PLEKHA7: variants seen among roughly 807,000 people sequenced by gnomAD.
PLEKHA7 encodes pleckstrin homology domain-containing family A member 7.
Under a neutral mutation model 170.0 loss-of-function variants are expected in PLEKHA7, and 104 were observed. The ratio of observed to expected loss-of-function variants is 0.61; its 90% confidence interval spans 0.52 to 0.72. The LOEUF (loss-of-function observed/expected upper bound fraction) is 0.72. Ranked by LOEUF, PLEKHA7 falls within the 30% of genes least tolerant of loss-of-function variation. The pLI, the probability that PLEKHA7 is intolerant of heterozygous loss-of-function variation, is 0.00. For synonymous variants in PLEKHA7, 648 were observed against 660.8 expected (o/e 0.98, Z 0.30); for missense variants, 1,615 against 1,671.7 (o/e 0.97, Z 0.59).
intron 26 of PLEKHA7, among the ~76,000 whole-genome samples, chr11:16,779,594 C>G (rs888343932): frequency 6.6e-6 from 1 of 152,156 alleles, no homozygotes; most frequent in Non-Finnish European, 1.5e-5. Context: ...GGCTAGAGCA[C>G]TTCCCTATGG....
intron 15 of PLEKHA7, among the ~76,000 whole-genome samples, chr11:16,802,142 C>T (rs1848634783): frequency 6.6e-6 from 1 of 152,198 alleles, no homozygotes; most frequent in Non-Finnish European, 1.5e-5. Context: ...ACAAAAACCT[C>T]TTTAGCCTCC....
chr11:17,014,147 G>T lies in PLEKHA7; in HGVS notation c.141C>A (p.Asn47Lys). The change falls in exon 2 of 27, where the codon AAC (asparagine) becomes AAA (lysine). Residue 47 changes from asparagine to lysine, a missense_variant. By Grantham distance (94) the Asn-to-Lys change is moderately conservative. Coordinates refer to ENST00000531066, the MANE Select transcript of PLEKHA7 (RefSeq NM_001329630.2). ...CACCTGAGCGGATCATGTGGCCCGA[G>T]TTGACGGGCTCCCCGGTGCGCGGAT... is the stretch of plus-strand genomic sequence containing the variant. Reference protein sequence around the residue: ...WLHPRTGEPVNSGHMIRSDLP... With the variant: ...WLHPRTGEPVKSGHMIRSDLP... The T allele has an allele frequency of 6.2e-7, 1 of 1,601,984 alleles. No individual in the cohort carries two copies. The highest frequency in any genetic ancestry group is 1.1e-5 in the South Asian group (1 of 89,762).
At chr11:17,007,681 C>T (rs1865090810) in intron 3 of PLEKHA7, among the ~76,000 whole-genome samples, 1 of 151,554 alleles carries the variant, frequency 6.6e-6, no homozygotes, top group Non-Finnish European at 1.5e-5. Flanking sequence ...TCAAGTGATC[C>T]TCCCACCTCA....
At chr11:16,800,564 A>G (rs1848527530) in intron 17 of PLEKHA7, among the ~76,000 whole-genome samples, 1 of 152,216 alleles carries the variant, frequency 6.6e-6, no homozygotes, top group African/African-American at 2.4e-5. Flanking sequence ...GATAACATCT[A>G]TCTCCAGGAA....
At chr11:16,785,117 T>C (rs1446691357) in intron 24 of PLEKHA7, among the ~76,000 whole-genome samples, 1 of 152,186 alleles carries the variant, frequency 6.6e-6, no homozygotes, top group Non-Finnish European at 1.5e-5. Flanking sequence ...TGTTCCTTTG[T>C]TCCCAAAGAC....
At chr11:17,013,949 C>CCG (rs1865494792) in intron 3 of PLEKHA7, 40 bp downstream of exon 3, 3 of 1,511,044 alleles carry the variant, frequency 2.0e-6, no homozygotes, top group Non-Finnish European at 2.7e-6. Flanking sequence ...GACCCCCCCC[C>CCG]CGCGGCACAG....
intron 3 of PLEKHA7, among the ~76,000 whole-genome samples, chr11:16,986,431 G>A (rs1457988773): frequency 6.6e-6 from 1 of 152,160 alleles, no homozygotes; most frequent in Non-Finnish European, 1.5e-5. Flanking sequence ...CATAAGAAAA[G>A]TGCAGCCCCA....
intron 3 of PLEKHA7, among the ~76,000 whole-genome samples, chr11:16,882,788 A>G (rs899278742): frequency 6.6e-6 from 1 of 152,210 alleles, no homozygotes; most frequent in Non-Finnish European, 1.5e-5. Context: ...ATAGTAGCTT[A>G]TAATCCAATA....
chr11:16,874,472 C>T (rs1411736020), intron 3 of PLEKHA7, among the ~76,000 whole-genome samples: 1 of 152,158 alleles, frequency 6.6e-6, no homozygotes, highest in African/African-American at 2.4e-5. Flanking sequence ...CACCACTGCA[C>T]TCCAACCTAG....
chr11:16,801,153 GA>G, intron 16 of PLEKHA7, 78 bp from the exon 17 acceptor site: 1 of 1,197,670 alleles, frequency 8.3e-7, no homozygotes, highest in Non-Finnish European at 1.2e-6. Context: ...CTGTACTCCT[GA>G]CCATGCTGAC....
intron 26 of PLEKHA7, among the ~76,000 whole-genome samples, chr11:16,780,130 G>A (rs1442618566): frequency 6.6e-6 from 1 of 152,230 alleles, no homozygotes; most frequent in Non-Finnish European, 1.5e-5. Flanking sequence ...ATAGTGGGAT[G>A]GGATGTCAGG....
intron 3 of PLEKHA7, among the ~76,000 whole-genome samples, chr11:16,987,250 T>A (rs1363213261): frequency 8.1e-6 from 1 of 124,144 alleles, no homozygotes; most frequent in Non-Finnish European, 1.7e-5. Context: ...CTCCCCGACC[T>A]CCCATCCCCC....
At chr11:17,007,137 G>C (rs905771939) in intron 3 of PLEKHA7, among the ~76,000 whole-genome samples, 1 of 152,200 alleles carries the variant, frequency 6.6e-6, no homozygotes, top group Non-Finnish European at 1.5e-5. Flanking sequence ...GGGGGGCATG[G>C]ATACAGGTGC....
chr11:16,968,604 G>A (rs746762244), intron 3 of PLEKHA7, among the ~76,000 whole-genome samples: 4 of 152,300 alleles, frequency 2.6e-5, no homozygotes, highest in Middle Eastern at 3.4e-3. Flanking sequence ...TCCTTGAAGG[G>A]CTGCTTTGTG....
chr11:16,855,602 G>A (rs1590353021), intron 5 of PLEKHA7: 2 of 584,118 alleles, frequency 3.4e-6, no homozygotes, highest in East Asian at 2.9e-5. Context: ...ACCAGTGCTG[G>A]GTCTGTCAGC....
intron 3 of PLEKHA7, among the ~76,000 whole-genome samples, chr11:16,883,224 T>G (rs1166705757): frequency 6.6e-6 from 1 of 152,088 alleles, no homozygotes; most frequent in African/African-American, 2.4e-5. Flanking sequence ...CCAGCAGAAG[T>G]TGGCAAGCTT....
At chr11:16,977,044 C>T (rs1052966276) in intron 3 of PLEKHA7, among the ~76,000 whole-genome samples, 1 of 152,144 alleles carries the variant, frequency 6.6e-6, no homozygotes, top group African/African-American at 2.4e-5. Flanking sequence ...TGCACCTCAG[C>T]CAGAGCATCC....
At chr11:16,980,919 CAAT>C (rs1166114796) in intron 3 of PLEKHA7, among the ~76,000 whole-genome samples, 1 of 131,038 alleles carries the variant, frequency 7.6e-6, no homozygotes, top group Non-Finnish European at 1.7e-5. Flanking sequence ...AGATACGGCC[CAAT>C]GATGAAGGGT....
At position 16,817,982 on chromosome 11, in the gene PLEKHA7, C is replaced by T. The variant is rs995283158; in HGVS notation, c.1344-660G>A. The stretch of plus-strand genomic sequence containing the variant: ...CTGACCTCAACACCCACCTTGCAGG[C>T]CTGCTGTTTTCTCACTGCTCTTCCT... On this transcript the variant is annotated intron_variant, in intron 10 of 26. Coordinates refer to ENST00000531066, the MANE Select transcript of PLEKHA7 (RefSeq NM_001329630.2). This position sits in a 1 kb window ranked among gnomAD's most constrained non-coding sequence, Gnocchi z 4.4. 1.3e-5 allele frequency among the ~76,000 whole-genome samples: 2 copies of T among 152,194 alleles called. No individual in the cohort carries two copies. The highest frequency in any genetic ancestry group is 2.9e-5 in the Non-Finnish European group (2 of 68,044).
Sources: gnomAD v4.1 joint callset for allele counts (sites outside exome capture counted in the v4.1 genomes callset) on GRCh38, gnomAD v4.1.1 for gene constraint, Gnocchi (gnomAD v3.1) non-coding constraint, MANE v1.5 for transcripts, NCBI Gene and HGNC (gene_info 2026-07-23, HGNC 2026-07-21) for gene names.